Variants in SPATA7 observed in about 807,000 individuals in gnomAD.
SPATA7 encodes spermatogenesis-associated protein 7.
SPATA7 carries 43 observed loss-of-function variants against 51.8 expected under a neutral mutation model. That is an observed-to-expected ratio of 0.83 (90% CI 0.65 to 1.07). SPATA7 has a LOEUF of 1.07. Among genes scored for constraint, SPATA7 ranks in the 50% least tolerant of loss-of-function variants. The pLI is 0.00. For missense variants in SPATA7, 683 were observed against 701.3 expected, an observed-to-expected ratio of 0.97 and a Z score of 0.30; for synonymous variants, 230 against 252.8, an observed-to-expected ratio of 0.91 and a Z score of 0.86.
intron 4 of SPATA7, chr14:88,468,033 G>C (rs1369220026): frequency 1.4e-6 from 2 of 1,407,836 alleles, no homozygotes; most frequent in African/African-American, 1.4e-5. Context: ...CCAGTGCCAC[G>C]CTGCGTGGAT....
intron 5 of SPATA7, among the ~76,000 whole-genome samples, chr14:88,424,727 A>G (rs17124655): frequency 0.035 from 5,364 of 152,246 alleles, 305 homozygotes; most frequent in African/African-American, 0.12. Context: ...AAAAACTAAC[A>G]TCTTGAAGTC....
At chr14:88,400,562 G>C (rs551979652) in intron 4 of SPATA7, among the ~76,000 whole-genome samples, 5 of 152,298 alleles carry the variant, frequency 3.3e-5, no homozygotes, top group African/African-American at 1.2e-4. Flanking sequence ...GGCCACATGT[G>C]GTGGCTCATG....
intron 4 of SPATA7, chr14:88,414,661 C>A: frequency 2.5e-6 from 1 of 404,714 alleles, no homozygotes; most frequent in Non-Finnish European, 4.9e-6. Flanking sequence ...ATCTTTCTGT[C>A]TTCTTGATGT....
At chr14:88,446,858 A>G (rs2077217218) in intron 3 of SPATA7, among the ~76,000 whole-genome samples, 2 of 151,950 alleles carry the variant, frequency 1.3e-5, no homozygotes, top group South Asian at 4.2e-4. Flanking sequence ...ATAGTTTGTT[A>G]TAATTTCTGT....
chr14:88,447,192 G>A (rs2077219969), intron 3 of SPATA7, among the ~76,000 whole-genome samples: 1 of 139,772 alleles, frequency 7.2e-6, no homozygotes, highest in African/African-American at 3.3e-5. Context: ...TATATATTTA[G>A]GATAGTTAGC....
At chr14:88,440,971 C>T (rs1410406366), downstream of SPATA7, among the ~76,000 whole-genome samples, 1 of 152,112 alleles carries the variant, frequency 6.6e-6, no homozygotes, top group African/African-American at 2.4e-5. Flanking sequence ...TTTTATCCCT[C>T]ACTCCCCGCC....
chr14:88,464,725 G>A (rs921305318), intron 4 of SPATA7, among the ~76,000 whole-genome samples: 19 of 151,656 alleles, frequency 1.3e-4, no homozygotes, highest in Non-Finnish European at 2.4e-4. Flanking sequence ...ACGAAACTCC[G>A]TCTCAAAAAA....
intron 3 of SPATA7, among the ~76,000 whole-genome samples, chr14:88,448,216 C>T (rs1186280585): frequency 4.9e-4 from 75 of 151,952 alleles, no homozygotes; most frequent in Middle Eastern, 3.4e-3. Context: ...ACTTCCCTTC[C>T]CGCTTCATTT....
At chr14:88,390,677 A>G (rs756707802) in intron 1 of SPATA7, among the ~76,000 whole-genome samples, 1 of 152,252 alleles carries the variant, frequency 6.6e-6, no homozygotes, top group Non-Finnish European at 1.5e-5. Context: ...CGCCCAAAGG[A>G]AAGTTGAGTT....
downstream of SPATA7, among the ~76,000 whole-genome samples, chr14:88,441,640 A>G (rs1006196370): frequency 7.9e-5 from 12 of 152,030 alleles, no homozygotes; most frequent in African/African-American, 2.9e-4. Flanking sequence ...GGCTATTTGT[A>G]TATCTTCTTT....
At chr14:88,450,466 C>G (rs1258149419) in intron 3 of SPATA7, among the ~76,000 whole-genome samples, 2 of 152,020 alleles carry the variant, frequency 1.3e-5, no homozygotes, top group African/African-American at 4.8e-5. Flanking sequence ...TTTAGAGCTC[C>G]TTTTAGCAGT....
At chr14:88,401,423 C>T (rs1434934313) in intron 4 of SPATA7, among the ~76,000 whole-genome samples, 2 of 152,140 alleles carry the variant, frequency 1.3e-5, no homozygotes, top group East Asian at 1.9e-4. Flanking sequence ...AGCTTTTCCT[C>T]TAAGATCTGG....
chr14:88,391,247 A>G (rs762006326), intron 1 of SPATA7, 134 bp from the exon 2 acceptor site: 133 of 766,042 alleles, frequency 1.7e-4, no homozygotes, highest in Non-Finnish European at 2.7e-4. Context: ...GATTACTACT[A>G]AAAACGCAAT....
intron 5 of SPATA7, among the ~76,000 whole-genome samples, chr14:88,417,696 A>G (rs2076523538): frequency 6.6e-6 from 1 of 152,220 alleles, no homozygotes; most frequent in Admixed American, 6.5e-5. Context: ...GAACTTAGTC[A>G]TGGTACATTA....
downstream of SPATA7, among the ~76,000 whole-genome samples, chr14:88,438,660 A>G (rs1037846321): frequency 1.3e-5 from 2 of 152,200 alleles, no homozygotes; most frequent in African/African-American, 4.8e-5. Flanking sequence ...CCCCACAATC[A>G]AGGCAGTGGC....
intron 2 of SPATA7, chr14:88,391,781 G>C: frequency 3.0e-6 from 1 of 334,250 alleles, no homozygotes; most frequent in Non-Finnish European, 5.7e-6. Flanking sequence ...TATTAAAGAC[G>C]CAAGCACTGA....
Position 88,391,405 on chromosome 14 carries a change from G to A in SPATA7, c.44G>A (p.Arg15Lys), listed in dbSNP as rs200551653. The stretch of plus-strand genomic sequence containing the variant: ...GTCAGAGCAACCTCTGTCCTTCCCA[G>A]ATATGGTCCACCGTGCCTATTTAAA... ...RRVRATSVLP[R>K]YGPPCLFKGH... Residue 15 changes from arginine (R) to lysine (K), a missense_variant, in exon 2 of 12, where the codon AGA (arginine) becomes AAA (lysine). Physicochemically the swap from Arg to Lys is conservative, Grantham distance 26. Coordinates refer to ENST00000393545, the MANE Select transcript of SPATA7 (RefSeq NM_018418.5). 5.6e-6 allele frequency: 9 copies of A among 1,613,324 alleles called. 1 individual carries two copies. In the South Asian group the frequency reaches 7.7e-5, roughly 14 times the overall value.
intron 4 of SPATA7, among the ~76,000 whole-genome samples, chr14:88,460,721 T>G (rs1454959459): frequency 2.0e-5 from 3 of 152,244 alleles, no homozygotes. Context: ...TCAAAGTCAT[T>G]CTCCATCCAG....
At chr14:88,390,767 T>C (rs1034126214) in intron 1 of SPATA7, among the ~76,000 whole-genome samples, 1 of 152,184 alleles carries the variant, frequency 6.6e-6, no homozygotes, top group South Asian at 2.1e-4. Context: ...ATGAGGTTTT[T>C]CTGAGAGTTT....
Sources: gnomAD v4.1 joint callset for allele counts (sites outside exome capture counted in the v4.1 genomes callset) on GRCh38, gnomAD v4.1.1 for gene constraint, MANE v1.5 for transcripts, NCBI Gene and HGNC (gene_info 2026-07-23, HGNC 2026-07-21) for gene names.